SULT1C3: variants seen among roughly 807,000 people sequenced by gnomAD.
The protein encoded by SULT1C3 is sulfotransferase family 1C member 3.
Under a neutral mutation model 28.4 loss-of-function variants are expected in SULT1C3, and 31 were observed. That is an observed-to-expected ratio of 1.09 (90% CI 0.82 to 1.47). The LOEUF is 1.47. SULT1C3 is among the 40% of genes most tolerant of loss of function. The pLI, the probability that SULT1C3 is intolerant of heterozygous loss-of-function variation, is 0.00. For missense variants in SULT1C3, 307 were observed against 272.5 expected, an observed-to-expected ratio of 1.13 and a Z score of -0.89; for synonymous variants, 106 against 92.2, an observed-to-expected ratio of 1.15 and a Z score of -0.86.
At chr2:108,240,377 C>CTT (rs897934652) in intron 1 of SULT1C3, among the ~76,000 whole-genome samples, 5 of 152,166 alleles carry the variant, frequency 3.3e-5, no homozygotes, top group African/African-American at 1.2e-4. Flanking sequence ...TTGATTTGAT[C>CTT]TTTAAATACC....
chr2:108,264,737 CATTT>C (rs1676093300), downstream of SULT1C3: 1 of 1,311,116 alleles, frequency 7.6e-7, no homozygotes, highest in East Asian at 2.4e-5. Flanking sequence ...TCCTTTAACT[CATTT>C]CTCTCCAAAT....
chr2:108,245,183 C>T (rs1327508786), intron 1 of SULT1C3, among the ~76,000 whole-genome samples: 2 of 152,156 alleles, frequency 1.3e-5, no homozygotes, highest in Non-Finnish European at 2.9e-5. Context: ...GCAGACATGA[C>T]CCTATAAGTC....
intron 3 of SULT1C3, 26 bp downstream of exon 3, chr2:108,252,519 A>C: frequency 6.2e-7 from 1 of 1,609,982 alleles, no homozygotes. Context: ...GAAGATAGAA[A>C]GGACTTTCAC....
rs1224068464 is a variant in SULT1C3, at chr2:108,260,826, A to G, written c.*146A>G. 1 of 304,934 alleles carries G rather than the reference A, an allele frequency of 3.3e-6. No individual in the cohort carries two copies. Among genetic ancestry groups the G allele is most frequent in the Admixed American group, 3.9e-5 (1 of 25,342 alleles). 18.9% of individuals were successfully genotyped at this position (304,934 alleles called of 1,614,324 possible). On this transcript the variant is annotated 3_prime_UTR_variant, in exon 8 of 8. Coordinates refer to ENST00000681802, the MANE Select transcript of SULT1C3 (RefSeq NM_001320878.2). ...GGCTAGTTTGCTATAATATTAAAAC[A>G]TGATTTAAAATATCAACAAACCAGT...
chr2:108,241,342 T>TA (rs1263346780), intron 1 of SULT1C3, among the ~76,000 whole-genome samples: 1 of 152,236 alleles, frequency 6.6e-6, no homozygotes, highest in African/African-American at 2.4e-5. Flanking sequence ...TACTCATAGA[T>TA]AGTCTCCTAA....
chr2:108,244,525 T>C (rs753937420), intron 1 of SULT1C3, among the ~76,000 whole-genome samples: 2 of 152,150 alleles, frequency 1.3e-5, no homozygotes, highest in Non-Finnish European at 2.9e-5. Context: ...TGGCACACTA[T>C]AGGAGACATA....
chr2:108,262,920 A>G (rs1029393578), downstream of SULT1C3, among the ~76,000 whole-genome samples: 1 of 152,184 alleles, frequency 6.6e-6, no homozygotes, highest in African/African-American at 2.4e-5. Context: ...ACTCAAAATG[A>G]CAAAATTTTT....
At chr2:108,241,777 A>G (rs181855475) in intron 1 of SULT1C3, among the ~76,000 whole-genome samples, 1 of 152,270 alleles carries the variant, frequency 6.6e-6, no homozygotes, top group Non-Finnish European at 1.5e-5. Flanking sequence ...AATACAAAAA[A>G]TAAGCTGGGC....
intron 7 of SULT1C3, among the ~76,000 whole-genome samples, chr2:108,259,688 G>A (rs2104393194): frequency 6.6e-6 from 1 of 152,206 alleles, no homozygotes; most frequent in South Asian, 2.1e-4. Context: ...CTAGAACCTA[G>A]TATAGAGACT....
chr2:108,257,171 A>C (rs1213226949), intron 5 of SULT1C3, among the ~76,000 whole-genome samples: 1 of 151,994 alleles, frequency 6.6e-6, no homozygotes, highest in Non-Finnish European at 1.5e-5. Context: ...ATAATGTTAA[A>C]TATTAATAAT....
intron 1 of SULT1C3, among the ~76,000 whole-genome samples, chr2:108,246,323 C>G (rs913513251): frequency 6.6e-6 from 1 of 152,156 alleles, no homozygotes; most frequent in African/African-American, 2.4e-5. Context: ...TTGTATTAGT[C>G]CCTTTTCATG....
At chr2:108,260,250 G>T (rs1480041711) in intron 7 of SULT1C3, among the ~76,000 whole-genome samples, 1 of 152,112 alleles carries the variant, frequency 6.6e-6, no homozygotes, top group East Asian at 1.9e-4. Context: ...GTCCATGATG[G>T]TAACCAGCTG....
downstream of SULT1C3, chr2:108,265,149 T>C (rs1451101963): frequency 2.1e-6 from 3 of 1,443,060 alleles, no homozygotes; most frequent in African/African-American, 4.3e-5. Flanking sequence ...AAGTTGCCTG[T>C]TTCTCCTCAT....
chr2:108,245,412 G>T (rs1010352803), intron 1 of SULT1C3, among the ~76,000 whole-genome samples: 21 of 152,188 alleles, frequency 1.4e-4, no homozygotes, highest in Non-Finnish European at 2.6e-4. Context: ...GATGGCCTAT[G>T]CTAAAGCATT....
Position 108,255,714 on chromosome 2 carries a change from T to C in SULT1C3, c.526+16T>C. ...TCCGGAAAAGGTGAGTTCAAACTGA[T>C]CTTTTTGGTACCCTCTTTCAGGTGA... On this transcript the variant is annotated intron_variant, in intron 5 of 7. Transcript: ENST00000681802. 1.2e-6 allele frequency: 2 copies of C among 1,606,958 alleles called. No homozygotes were observed. The highest frequency in any genetic ancestry group is 8.5e-7 in the Non-Finnish European group (1 of 1,175,994).
chr2:108,246,466 G>C (rs1675579462), intron 1 of SULT1C3, among the ~76,000 whole-genome samples: 1 of 152,168 alleles, frequency 6.6e-6, no homozygotes, highest in South Asian at 2.1e-4. Flanking sequence ...CAAAGGAAAA[G>C]AGAGCTTGTG....
chr2:108,247,489 T>C, intron 2 of SULT1C3, 123 bp downstream of exon 2: 1 of 937,566 alleles, frequency 1.1e-6, no homozygotes, highest in East Asian at 3.0e-5. Flanking sequence ...GGAGATCTGT[T>C]CTTTGGTGCT....
downstream of SULT1C3, chr2:108,264,891 A>G (rs1676097661): frequency 6.2e-7 from 1 of 1,613,904 alleles, no homozygotes; most frequent in Non-Finnish European, 8.5e-7. Context: ...GGAAATTCTG[A>G]ATAAAATCAT....
At position 108,253,455 on chromosome 2, in the gene SULT1C3, G is replaced by A; in HGVS notation, c.399+13G>A. Reference sequence around the variant, plus strand: ...AGAAAACTGCAAGGTATAAAGAGGGGGCTTTTCAAACTTCTCTTAGCTTGG... The same window carrying A: ...AGAAAACTGCAAGGTATAAAGAGGGAGCTTTTCAAACTTCTCTTAGCTTGG... On this transcript the variant is annotated intron_variant, in intron 4 of 7. Transcript: ENST00000681802. 1 of 1,419,004 alleles carries A rather than the reference G, an allele frequency of 7.0e-7. No homozygotes were observed. Among genetic ancestry groups the A allele is most frequent in the Non-Finnish European group, 9.4e-7 (1 of 1,062,464 alleles). 87.9% of individuals were successfully genotyped at this position (1,419,004 alleles called of 1,614,324 possible).
Sources: gnomAD v4.1 joint callset for allele counts (sites outside exome capture counted in the v4.1 genomes callset) on GRCh38, gnomAD v4.1.1 for gene constraint, MANE v1.5 for transcripts, NCBI Gene and HGNC (gene_info 2026-07-23, HGNC 2026-07-21) for gene names.